The following PTCHD4 variants were observed in gnomAD, a reference collection of about 807,000 sequenced individuals.
PTCHD4 encodes patched domain-containing protein 4.
Under a neutral mutation model 58.1 loss-of-function variants are expected in PTCHD4, and 33 were observed. The ratio of observed to expected loss-of-function variants is 0.57; its 90% confidence interval spans 0.43 to 0.76. The LOEUF (loss-of-function observed/expected upper bound fraction) is 0.76, where lower values mean the gene tolerates loss of function less well. Among genes scored for constraint, PTCHD4 ranks in the 30% least tolerant of loss-of-function variants. The pLI, the probability that PTCHD4 is intolerant of heterozygous loss-of-function variation, is 0.00. For missense variants in PTCHD4, 1,058 were observed against 1,027.1 expected, an observed-to-expected ratio of 1.03 and a Z score of -0.41; for synonymous variants, 478 against 409.6, an observed-to-expected ratio of 1.17 and a Z score of -2.02.
intron 3 of PTCHD4, among the ~76,000 whole-genome samples, chr6:48,053,377 T>C (rs760456524): frequency 6.6e-6 from 1 of 152,190 alleles, no homozygotes; most frequent in East Asian, 1.9e-4. Flanking sequence ...ACTATATGCT[T>C]AGCAAAAGTA....
rs539574962 is a variant in PTCHD4, at chr6:48,107,374, C to G, written c.-970+3675G>C. ...GAAAGGATTCCCTATTTAATAAATG[C>G]TGCTGGGAAAACTGGCTAGCCATAT... On this transcript the variant is annotated intron_variant, in intron 1 of 4. Coordinates refer to ENST00000339488, the MANE Select transcript of PTCHD4 (RefSeq NM_001384253.1). Among the ~76,000 whole-genome samples, 834 of 152,180 alleles carry G rather than the reference C, an allele frequency of 5.5e-3. 9 individuals carry two copies. Among genetic ancestry groups the G allele is most frequent in the South Asian group, 0.042 (202 of 4,822 alleles).
chr6:47,990,892 A>T (rs1768258887), intron 4 of PTCHD4, among the ~76,000 whole-genome samples: 1 of 152,240 alleles, frequency 6.6e-6, no homozygotes, highest in Non-Finnish European at 1.5e-5. Context: ...TTAGCTACAT[A>T]TTCATATTAG....
At chr6:48,030,802 C>T (rs1183198760) in intron 3 of PTCHD4, among the ~76,000 whole-genome samples, 1 of 152,116 alleles carries the variant, frequency 6.6e-6, no homozygotes, top group Non-Finnish European at 1.5e-5. Flanking sequence ...TGACTGCCCT[C>T]TGAACTCAGA....
At chr6:47,964,321 A>T (rs902154150) in intron 4 of PTCHD4, among the ~76,000 whole-genome samples, 1 of 150,980 alleles carries the variant, frequency 6.6e-6, no homozygotes, top group African/African-American at 2.5e-5. Flanking sequence ...TGTTATTACC[A>T]CATTTTTTTT....
chr6:47,909,604 T>C (rs1233737332), intron 4 of PTCHD4, among the ~76,000 whole-genome samples: 1 of 151,996 alleles, frequency 6.6e-6, no homozygotes, highest in Non-Finnish European at 1.5e-5. Context: ...GCTGGATAAT[T>C]GTTTTTATTT....
chr6:47,881,688 T>C (rs1384315907), intron 4 of PTCHD4, among the ~76,000 whole-genome samples: 1 of 152,206 alleles, frequency 6.6e-6, no homozygotes, highest in Non-Finnish European at 1.5e-5. Context: ...TTGACTATAG[T>C]ATTTACAGAC....
chr6:48,038,211 G>A (rs1763714015), intron 3 of PTCHD4, among the ~76,000 whole-genome samples: 1 of 152,186 alleles, frequency 6.6e-6, no homozygotes, highest in Admixed American at 6.5e-5. Context: ...CCTGACCGGG[G>A]TTAATTACCA....
chr6:47,875,434 T>C lies in PTCHD4; in HGVS notation c.*2869A>G, dbSNP rs914521381. On this transcript the variant is annotated 3_prime_UTR_variant, in exon 5 of 5. Transcript: ENST00000339488. ...ACAGTGAGGTTGGGAGGTCAGACGA[T>C]GCTCTGTTAGATTCTTCTTAGGATT... 1.3e-5 allele frequency among the ~76,000 whole-genome samples: 2 copies of C among 151,920 alleles called. No individual in the cohort carries two copies. Among genetic ancestry groups the C allele is most frequent in the African/African-American group, 2.4e-5 (1 of 41,416 alleles).
Position 48,068,742 on chromosome 6 carries a change from C to A in PTCHD4, c.6-101G>T. ...CCCCTCCCCACCGCCGCCGCCTCCC[C>A]ACCCACTCCGCGCTCACCCCACAAC... On this transcript the variant is annotated intron_variant, in intron 2 of 4. Coordinates refer to ENST00000339488, the MANE Select transcript of PTCHD4 (RefSeq NM_001384253.1). The surrounding 1 kb of genome is among the most constrained non-coding windows in gnomAD (Gnocchi z 4.2). 8.4e-7 allele frequency: 1 copy of A among 1,184,044 alleles called. No individual in the cohort carries two copies. The highest frequency in any genetic ancestry group is 2.9e-4 in the Middle Eastern group (1 of 3,428). The allele number at this position is 1,184,044 out of a possible 1,614,324, so 73.3% of individuals were successfully genotyped here.
In PTCHD4 at chr6:47,866,902, A is replaced by G. The variant is rs1208300606; in HGVS notation, c.*11401T>C. Among the ~76,000 whole-genome samples the G allele has an allele frequency of 6.6e-6, 1 of 151,874 alleles. No homozygotes were observed. The highest frequency in any genetic ancestry group is 1.5e-5 in the Non-Finnish European group (1 of 67,870). ...ACAAACTCATTGTCTTAAAATTTAC[A>G]TTTAGAAAAGGATAGATGGGGAGAA... On this transcript the variant is annotated 3_prime_UTR_variant, in exon 5 of 5. Coordinates refer to ENST00000339488, the MANE Select transcript of PTCHD4 (RefSeq NM_001384253.1).
chr6:47,915,849 A>G (rs1166677753), intron 4 of PTCHD4, among the ~76,000 whole-genome samples: 1 of 152,122 alleles, frequency 6.6e-6, no homozygotes, highest in Non-Finnish European at 1.5e-5. Flanking sequence ...GCAAGATACC[A>G]TTGACTGTCT....
chr6:48,045,091 C>T (rs1425425446), intron 3 of PTCHD4, among the ~76,000 whole-genome samples: 1 of 151,796 alleles, frequency 6.6e-6, no homozygotes, highest in Non-Finnish European at 1.5e-5. Context: ...AAGTTGTCAA[C>T]TCTGCATATC....
At chr6:47,923,276 T>C (rs1367503989) in intron 4 of PTCHD4, among the ~76,000 whole-genome samples, 1 of 152,194 alleles carries the variant, frequency 6.6e-6, no homozygotes, top group Admixed American at 6.5e-5. Context: ...CAGTCTCATT[T>C]TCTTTACAGG....
intron 4 of PTCHD4, among the ~76,000 whole-genome samples, chr6:47,999,661 A>G (rs1768644465): frequency 6.6e-6 from 1 of 152,196 alleles, no homozygotes. Context: ...ATGTCTTCTC[A>G]AAACTACTGA....
intron 4 of PTCHD4, among the ~76,000 whole-genome samples, chr6:47,973,286 G>A (rs116511072): frequency 0.017 from 2,600 of 152,160 alleles, 38 homozygotes; most frequent in South Asian, 0.047. Flanking sequence ...GCCAAAATTT[G>A]GTTCATACCT....
intron 3 of PTCHD4, among the ~76,000 whole-genome samples, chr6:48,048,363 C>A (rs1351951312): frequency 6.6e-6 from 1 of 151,958 alleles, no homozygotes; most frequent in Non-Finnish European, 1.5e-5. Context: ...ATCTTCTAAT[C>A]TCTGGGGAAA....
chr6:47,866,568 T>C lies in PTCHD4; in HGVS notation c.*11735A>G, dbSNP rs1475477795. ...AACAGATGTCCTCCTCGTGAACCAG[T>C]TGGAAAATGGGGCCTCCCCAGGCCA... On this transcript the variant is annotated 3_prime_UTR_variant, in exon 5 of 5. Coordinates refer to ENST00000339488, the MANE Select transcript of PTCHD4 (RefSeq NM_001384253.1). 6.6e-6 allele frequency among the ~76,000 whole-genome samples: 1 copy of C among 151,840 alleles called. No individual in the cohort carries two copies. The highest frequency in any genetic ancestry group is 1.5e-5 in the Non-Finnish European group (1 of 67,850).
Position 48,106,079 on chromosome 6 carries a change from G to A in PTCHD4, c.-970+4970C>T, listed in dbSNP as rs138662857. Among the ~76,000 whole-genome samples, 319 of 152,246 alleles carry A rather than the reference G, an allele frequency of 2.1e-3. 1 individual carries two copies. The highest frequency in any genetic ancestry group is 6.5e-3 in the African/African-American group (272 of 41,572). ...CTATTCCAATGAATAGAAAATGAGAGAATCCTCCCTAACTCATTTTATGAG... is the reference window on the plus strand; with the variant it reads ...CTATTCCAATGAATAGAAAATGAGAAAATCCTCCCTAACTCATTTTATGAG... On this transcript the variant is annotated intron_variant, in intron 1 of 4. Coordinates refer to ENST00000339488, the MANE Select transcript of PTCHD4 (RefSeq NM_001384253.1).
At chr6:47,950,989 G>A (rs901621950) in intron 4 of PTCHD4, among the ~76,000 whole-genome samples, 4 of 152,086 alleles carry the variant, frequency 2.6e-5, no homozygotes, top group African/African-American at 7.2e-5. Flanking sequence ...TAATGTTGGT[G>A]GAGTGAGATG....
Sources: allele counts gnomAD v4.1 joint callset (sites outside exome capture counted in the v4.1 genomes callset), GRCh38; gene constraint gnomAD v4.1.1; non-coding constraint Gnocchi (gnomAD v3.1); transcripts MANE v1.5; gene names NCBI Gene and HGNC (gene_info 2026-07-23, HGNC 2026-07-21).